CENPL: variants seen among roughly 807,000 people sequenced by gnomAD.
CENPL encodes interphase centromere complex protein 33.
In CENPL, 20 loss-of-function variants were observed where a neutral mutation model predicts 35.2. That is an observed-to-expected ratio of 0.57 (90% CI 0.40 to 0.83). The LOEUF (loss-of-function observed/expected upper bound fraction) is 0.83. Among genes scored for constraint, CENPL ranks in the 40% least tolerant of loss-of-function variants. The pLI is 0.00. For synonymous variants in CENPL, 140 were observed against 140.6 expected, an observed-to-expected ratio of 1.00 and a Z score of 0.03; for missense variants, 363 against 395.8, an observed-to-expected ratio of 0.92 and a Z score of 0.70.
In CENPL at chr1:173,813,470, G is replaced by A. The variant is rs186734834; in HGVS notation, c.-7-2164C>T. 9.1e-4 allele frequency among the ~76,000 whole-genome samples: 139 copies of A among 152,272 alleles called. 2 individuals are homozygous for A. The East Asian group carries it at 0.026, about 28-fold the overall frequency. ...AAGGGAAGCCCATCAGGCTAACAGC[G>A]GATCTCTCGGCAGAAACTCTACAAG... On this transcript the variant is annotated intron_variant, in intron 2 of 5. Transcript: ENST00000682279.
At chr1:173,810,744 C>T (rs6663103) in intron 3 of CENPL, among the ~76,000 whole-genome samples, 3,736 of 151,984 alleles carry the variant, frequency 0.025, 163 homozygotes, top group African/African-American at 0.087. Context: ...CATGGTGAAA[C>T]CCCGTCTCTA....
At chr1:173,813,397 A>G (rs1651034232) in intron 2 of CENPL, among the ~76,000 whole-genome samples, 1 of 152,228 alleles carries the variant, frequency 6.6e-6, no homozygotes, top group Non-Finnish European at 1.5e-5. Flanking sequence ...GTTGAAATGA[A>G]GGAAAAAATG....
In CENPL at chr1:173,803,130, C is replaced by G; in HGVS notation, c.796G>C (p.Asp266His). Residue 266 changes from aspartate to histidine, a missense_variant, in exon 5 of 6, where the codon GAC (aspartate) becomes CAC (histidine). Asp to His is a moderately conservative substitution (Grantham distance 81, BLOSUM62 -1). Coordinates refer to ENST00000682279, the MANE Select transcript of CENPL (RefSeq NM_001387287.1). ...IHPEDAKALW[D>H]SVHKTPGEVT... ...TCCCCAGGTGTTTTGTGGACACTGTCCCATAGAGCTTTTGCATCCTCTGGA... is the reference window on the plus strand; with the variant it reads ...TCCCCAGGTGTTTTGTGGACACTGTGCCATAGAGCTTTTGCATCCTCTGGA... 1 of 1,614,108 alleles carries G rather than the reference C, an allele frequency of 6.2e-7. No homozygotes were observed. The highest frequency in any genetic ancestry group is 8.5e-7 in the Non-Finnish European group (1 of 1,179,972).
chr1:173,806,338 C>A (rs1650221732), intron 4 of CENPL: 1 of 314,248 alleles, frequency 3.2e-6, no homozygotes, highest in Non-Finnish European at 6.5e-6. Context: ...GTAATCCCAG[C>A]ACTTTGGGAG....
At position 173,808,681 on chromosome 1, in the gene CENPL, G is replaced by T. The variant is rs533615608; in HGVS notation, c.169-1163C>A. ...TTGCCATGCTCTATTAGAACCACAG[G>T]TACGATTAAAAACAAAAACACTTCA... On this transcript the variant is annotated intron_variant, in intron 3 of 5. Transcript: ENST00000682279. 2.0e-5 allele frequency: 3 copies of T among 149,884 alleles called. No homozygotes were observed. The East Asian group carries it at 5.8e-4, about 29-fold the overall frequency. 9.3% of individuals were successfully genotyped at this position (149,884 alleles called of 1,614,324 possible).
intron 2 of CENPL, among the ~76,000 whole-genome samples, chr1:173,816,389 A>C (rs191252371): frequency 6.6e-6 from 1 of 152,194 alleles, no homozygotes; most frequent in Non-Finnish European, 1.5e-5. Context: ...AATCCTAAGC[A>C]AAAAGAACAA....
chr1:173,812,231 G>A (rs1650905031), intron 2 of CENPL, among the ~76,000 whole-genome samples: 1 of 152,276 alleles, frequency 6.6e-6, no homozygotes, highest in South Asian at 2.1e-4. Flanking sequence ...CTCCACCTCT[G>A]TGGGCAGGGC....
chr1:173,808,607 G>A (rs1557845812), intron 3 of CENPL: 1 of 146,534 alleles, frequency 6.8e-6, no homozygotes, highest in South Asian at 2.2e-4. Flanking sequence ...TCACTACTGT[G>A]CTAGACTAGT....
intron 2 of CENPL, among the ~76,000 whole-genome samples, chr1:173,814,957 A>C (rs1200699211): frequency 1.3e-5 from 2 of 152,202 alleles, no homozygotes; most frequent in Admixed American, 6.5e-5. Flanking sequence ...ATAAAGAAGA[A>C]AAGAGAGAAG....
chr1:173,812,798 G>A (rs1327673507), intron 2 of CENPL, among the ~76,000 whole-genome samples: 3 of 152,148 alleles, frequency 2.0e-5, no homozygotes, highest in Non-Finnish European at 2.9e-5. Context: ...CGCCAGCAAC[G>A]GAACAAAGCT....
In CENPL at chr1:173,807,387, A is replaced by T; in HGVS notation, c.300T>A (p.Val100=). Residue 100 remains valine (V), a synonymous_variant, in exon 4 of 6, where the codon GTT becomes GTA. Transcript: ENST00000682279. ...CAGCAAGTCCTTTTTGCTTTTCAGC[A>T]ACAATAAAAGCATTGAGAAGTCTAG... ...EYSRLLNAFI[V]AEKQKGLAVE... is the part of the protein sequence containing the mutation. 6.2e-7 allele frequency: 1 copy of T among 1,613,738 alleles called. No individual in the cohort carries two copies. The highest frequency in any genetic ancestry group is 8.5e-7 in the Non-Finnish European group (1 of 1,179,772).
intron 3 of CENPL, among the ~76,000 whole-genome samples, chr1:173,808,791 C>G (rs940263698): frequency 6.6e-6 from 1 of 151,956 alleles, no homozygotes; most frequent in African/African-American, 2.4e-5. Flanking sequence ...AAACCCTGGA[C>G]GACAACCTAG....
At chr1:173,823,859 TA>T (rs1228397399) in intron 2 of CENPL, 66 bp downstream of exon 2, 1 of 152,114 alleles carries the variant, frequency 6.6e-6, no homozygotes, top group Non-Finnish European at 1.5e-5. Context: ...TATTGTAAGA[TA>T]ATGACCACAC....
intron 3 of CENPL, among the ~76,000 whole-genome samples, chr1:173,810,658 T>C (rs562847933): frequency 6.6e-6 from 1 of 152,338 alleles, no homozygotes; most frequent in South Asian, 2.1e-4. Flanking sequence ...CGGTGACTCA[T>C]GCCTGTAATC....
intron 3 of CENPL, among the ~76,000 whole-genome samples, chr1:173,808,272 T>G (rs981352886): frequency 6.6e-6 from 1 of 151,914 alleles, no homozygotes; most frequent in Non-Finnish European, 1.5e-5. Flanking sequence ...AAGCCAGGCA[T>G]GGTGGTGTGC....
At chr1:173,805,851 T>TA (rs397692049) in intron 4 of CENPL, among the ~76,000 whole-genome samples, 61 of 151,858 alleles carry the variant, frequency 4.0e-4, no homozygotes, top group East Asian at 1.5e-3. Context: ...ACTTTTTTTT[T>TA]AAAAAAAGAC....
chr1:173,807,596 TAATACAA>T, intron 3 of CENPL, 78 bp from the exon 4 acceptor site: 1 of 1,170,270 alleles, frequency 8.5e-7, no homozygotes, highest in Non-Finnish European at 1.2e-6. Context: ...TTAAAACATC[TAATACAA>T]ATATATTATT....
At chr1:173,809,834 G>A (rs986786279) in intron 3 of CENPL, among the ~76,000 whole-genome samples, 2 of 152,056 alleles carry the variant, frequency 1.3e-5, no homozygotes, top group Admixed American at 6.5e-5. Flanking sequence ...GTGAGGTTGT[G>A]GAGAAAAATA....
intron 2 of CENPL, among the ~76,000 whole-genome samples, chr1:173,817,171 A>C (rs913821689): frequency 5.3e-5 from 8 of 152,060 alleles, no homozygotes; most frequent in African/African-American, 1.9e-4. Context: ...TAAATAAATA[A>C]ATACTGTCTG....
Sources: allele counts gnomAD v4.1 joint callset (sites outside exome capture counted in the v4.1 genomes callset), GRCh38; gene constraint gnomAD v4.1.1; transcripts MANE v1.5; gene names NCBI Gene and HGNC (gene_info 2026-07-23, HGNC 2026-07-21).